EML4: variants seen among roughly 807,000 people sequenced by gnomAD.
EML4 encodes echinoderm microtubule-associated protein-like 4.
EML4 carries 72 observed loss-of-function variants against 129.0 expected under a neutral mutation model. That is an observed-to-expected ratio of 0.56 (90% CI 0.46 to 0.68). The LOEUF (loss-of-function observed/expected upper bound fraction) is 0.68, where lower values mean the gene tolerates loss of function less well. EML4 is among the 30% of genes least tolerant of loss of function. The pLI is 0.00. For missense variants in EML4, 1,363 were observed against 1,190.6 expected, an observed-to-expected ratio of 1.14 and a Z score of -2.13; for synonymous variants, 532 against 405.0, an observed-to-expected ratio of 1.31 and a Z score of -3.77.
chr2:42,196,595 G>C (rs1192442325), intron 1 of EML4, among the ~76,000 whole-genome samples: 3 of 152,180 alleles, frequency 2.0e-5, no homozygotes, highest in Non-Finnish European at 4.4e-5. Flanking sequence ...CTGGCAGCTG[G>C]CGAGAAGATT....
At chr2:42,324,000 G>GA (rs1392920906) in intron 19 of EML4, among the ~76,000 whole-genome samples, 1 of 145,176 alleles carries the variant, frequency 6.9e-6, no homozygotes, top group African/African-American at 2.5e-5. Context: ...AAGAATAGGT[G>GA]AAAAAAAATA....
At chr2:42,211,724 G>A (rs1322767399) in intron 1 of EML4, among the ~76,000 whole-genome samples, 1 of 151,948 alleles carries the variant, frequency 6.6e-6, no homozygotes, top group East Asian at 1.9e-4. Context: ...TGCATCGTGT[G>A]TTGCCAATGT....
chr2:42,300,524 G>A (rs1231549384), intron 13 of EML4, among the ~76,000 whole-genome samples: 1 of 152,152 alleles, frequency 6.6e-6, no homozygotes, highest in Non-Finnish European at 1.5e-5. Flanking sequence ...CATCACATTG[G>A]TACAGCTGAA....
At chr2:42,169,912 C>G (rs1670162777) in intron 1 of EML4, 3 of 380,328 alleles carry the variant, frequency 7.9e-6, no homozygotes, top group Admixed American at 4.6e-5. Context: ...CCTTCCTTCT[C>G]AGGCCCCCCG....
chr2:42,241,698 T>A (rs1274525799), intron 1 of EML4, among the ~76,000 whole-genome samples: 2 of 152,184 alleles, frequency 1.3e-5, no homozygotes, highest in African/African-American at 2.4e-5. Flanking sequence ...TTGGTCCTCA[T>A]GTGATTATTG....
intron 1 of EML4, among the ~76,000 whole-genome samples, chr2:42,222,521 C>CA (rs1243525518): frequency 1.3e-5 from 2 of 152,142 alleles, no homozygotes; most frequent in Admixed American, 1.3e-4. Flanking sequence ...GCTGCCACAG[C>CA]AGAGTCCAGT....
At chr2:42,272,266 T>A (rs545065843) in intron 6 of EML4, among the ~76,000 whole-genome samples, 61 of 152,298 alleles carry the variant, frequency 4.0e-4, no homozygotes, top group African/African-American at 1.4e-3. Flanking sequence ...AAAAGCATAG[T>A]AAATCCTGTG....
Position 42,295,536 on chromosome 2 carries a change from A to T in EML4, c.1489+20A>T. ...CTAAAGGTACAGTATTCTTATATTA[A>T]ACTCATTTCTGGTAATTCTCACATA... On this transcript the variant is annotated intron_variant, in intron 13 of 22. Coordinates refer to ENST00000318522, the MANE Select transcript of EML4 (RefSeq NM_019063.5). The T allele has an allele frequency of 1.2e-6, 2 of 1,602,992 alleles. No homozygotes were observed. Among genetic ancestry groups the T allele is most frequent in the Middle Eastern group, 1.7e-4 (1 of 5,976 alleles).
intron 21 of EML4, 139 bp from the exon 22 acceptor site, chr2:42,328,747 T>A (rs544048091): frequency 1.5e-6 from 1 of 659,102 alleles, no homozygotes; most frequent in South Asian, 3.1e-5. Flanking sequence ...ACTGAGAAAT[T>A]TGTAAAGGAA....
chr2:42,255,442 A>G (rs1027991878), intron 2 of EML4, among the ~76,000 whole-genome samples: 1 of 152,118 alleles, frequency 6.6e-6, no homozygotes, highest in Non-Finnish European at 1.5e-5. Context: ...GGTAGTGGTG[A>G]TGGTTGCACA....
chr2:42,228,427 C>T (rs995240393), intron 1 of EML4, among the ~76,000 whole-genome samples: 2 of 152,020 alleles, frequency 1.3e-5, no homozygotes, highest in Non-Finnish European at 2.9e-5. Flanking sequence ...TCTTTCTCTG[C>T]CTTCTTTTTT....
chr2:42,251,747 G>C (rs573312751), intron 2 of EML4, among the ~76,000 whole-genome samples: 1 of 152,290 alleles, frequency 6.6e-6, no homozygotes, highest in Admixed American at 6.5e-5. Flanking sequence ...ATATCAACTA[G>C]ACTATCTCTA....
At chr2:42,212,594 T>G (rs75285744) in intron 1 of EML4, among the ~76,000 whole-genome samples, 3,025 of 152,304 alleles carry the variant, frequency 0.02, 116 homozygotes, top group African/African-American at 0.069. Flanking sequence ...CTTTCTTAAT[T>G]TCTTTTAATT....
chr2:42,294,381 T>G (rs1667828316), intron 11 of EML4, among the ~76,000 whole-genome samples: 1 of 152,318 alleles, frequency 6.6e-6, no homozygotes, highest in South Asian at 2.1e-4. Context: ...GACATATCTC[T>G]AAATTAGTCC....
chr2:42,324,044 C>G (rs1476603050), intron 19 of EML4, among the ~76,000 whole-genome samples: 1 of 152,082 alleles, frequency 6.6e-6, no homozygotes, highest in Non-Finnish European at 1.5e-5. Context: ...CCTGTAATCC[C>G]AGCACTTTGG....
intron 1 of EML4, among the ~76,000 whole-genome samples, chr2:42,230,075 C>G (rs778086633): frequency 6.6e-6 from 1 of 152,110 alleles, no homozygotes; most frequent in Non-Finnish European, 1.5e-5. Context: ...AAAGGGGGTT[C>G]TTATCTTCTA....
At chr2:42,231,432 T>G (rs1445413164) in intron 1 of EML4, among the ~76,000 whole-genome samples, 2 of 152,208 alleles carry the variant, frequency 1.3e-5, no homozygotes, top group South Asian at 2.1e-4. Flanking sequence ...CTAGTTATAC[T>G]TTTGTTATAA....
chr2:42,325,605 TATATA>T (rs1669757462), intron 20 of EML4, 51 bp downstream of exon 20: 2 of 22,042 alleles, frequency 9.1e-5, no homozygotes, highest in African/African-American at 4.1e-4. Context: ...ATTATATTTA[TATATA>T]TATATATATA....
Position 42,261,288 on chromosome 2 carries a change from C to G in EML4, c.506C>G (p.Thr169Ser), listed in dbSNP as rs776611036. 8 of 1,611,962 alleles carry G rather than the reference C, an allele frequency of 5.0e-6. No individual in the cohort carries two copies. Among genetic ancestry groups the G allele is most frequent in the African/African-American group, 1.3e-5 (1 of 74,798 alleles). Residue 169 changes from threonine to serine, a missense_variant, in exon 4 of 23, where the codon ACC becomes AGC. Coordinates refer to ENST00000318522, the MANE Select transcript of EML4 (RefSeq NM_019063.5). ...QTPESKNATP[T>S]KSIKRPSPAE... is the part of the protein sequence containing the mutation. ...CCAGAAAGCAAGAATGCTACTCCCA[C>G]CAAAAGGTTTTAACTGTCCCCAAGT...
Sources: gnomAD v4.1 joint callset for allele counts (sites outside exome capture counted in the v4.1 genomes callset) on GRCh38, gnomAD v4.1.1 for gene constraint, MANE v1.5 for transcripts, NCBI Gene and HGNC (gene_info 2026-07-23, HGNC 2026-07-21) for gene names.